PRKCB: variants seen among roughly 807,000 people sequenced by gnomAD.
PRKCB encodes protein kinase C beta type.
PRKCB carries 13 observed loss-of-function variants against 81.5 expected under a neutral mutation model. The observed-to-expected ratio is 0.16, with a 90% CI of 0.10 to 0.25. PRKCB has a LOEUF of 0.25. Among genes scored for constraint, PRKCB ranks in the 10% least tolerant of loss-of-function variants. The pLI, the probability that PRKCB is intolerant of heterozygous loss-of-function variation, is 1.00. For missense variants in PRKCB, 509 were observed against 875.7 expected (o/e 0.58, Z 5.29); for synonymous variants, 335 against 321.4 (o/e 1.04, Z -0.45).
chr16:24,210,600 G>A (rs1275800285), intron 16 of PRKCB, among the ~76,000 whole-genome samples: 1 of 151,632 alleles, frequency 6.6e-6, no homozygotes, highest in African/African-American at 2.4e-5. Flanking sequence ...CTGGGCTCAA[G>A]TGATCCCCCC....
chr16:24,043,635 G>C (rs1965730051), intron 5 of PRKCB, among the ~76,000 whole-genome samples: 1 of 152,180 alleles, frequency 6.6e-6, no homozygotes, highest in Non-Finnish European at 1.5e-5. Flanking sequence ...GACCTAAGGA[G>C]ATGTAGGGAA....
intron 9 of PRKCB, among the ~76,000 whole-genome samples, chr16:24,150,339 A>G (rs1322781273): frequency 6.6e-6 from 1 of 152,040 alleles, no homozygotes; most frequent in Non-Finnish European, 1.5e-5. Context: ...AAAAACAGAA[A>G]ACAAAACAAA....
intron 2 of PRKCB, among the ~76,000 whole-genome samples, chr16:23,886,505 T>C (rs184414956): frequency 6.9e-6 from 1 of 143,928 alleles, no homozygotes; most frequent in Non-Finnish European, 1.5e-5. Context: ...CTCCGCCTCC[T>C]GGGTTCAACC....
At chr16:24,128,323 C>A (rs889382966) in intron 9 of PRKCB, among the ~76,000 whole-genome samples, 5 of 152,080 alleles carry the variant, frequency 3.3e-5, no homozygotes, top group Non-Finnish European at 7.4e-5. Context: ...TGCAGTGAGC[C>A]GAGATCGTGC....
At chr16:24,006,412 A>C (rs1175809532) in intron 3 of PRKCB, among the ~76,000 whole-genome samples, 2 of 152,194 alleles carry the variant, frequency 1.3e-5, no homozygotes, top group African/African-American at 4.8e-5. Flanking sequence ...GTTGCTACAT[A>C]ATAATATTAG....
chr16:24,115,883 G>A (rs1462856902), intron 8 of PRKCB, among the ~76,000 whole-genome samples: 5 of 151,964 alleles, frequency 3.3e-5, no homozygotes, highest in African/African-American at 7.2e-5. Context: ...CCACCACCAC[G>A]CCTGCCTAAT....
chr16:24,127,198 G>T (rs2141931841), intron 9 of PRKCB, among the ~76,000 whole-genome samples: 1 of 151,356 alleles, frequency 6.6e-6, no homozygotes, highest in African/African-American at 2.4e-5. Flanking sequence ...TAGAGACGGG[G>T]TTTCTCCATG....
chr16:24,185,330 T>C (rs757645019), intron 14 of PRKCB, 130 bp from the exon 15 acceptor site: 4 of 1,189,482 alleles, frequency 3.4e-6, no homozygotes, highest in Non-Finnish European at 4.8e-6. Context: ...CATACAAGTC[T>C]GTGGTCATTT....
chr16:23,887,263 C>T (rs960614629), intron 2 of PRKCB, among the ~76,000 whole-genome samples: 6 of 152,116 alleles, frequency 3.9e-5, no homozygotes, highest in Middle Eastern at 3.2e-3. Flanking sequence ...GGGTATATTG[C>T]GTGATGCTGA....
At chr16:23,935,653 G>C (rs1222021294) in intron 2 of PRKCB, among the ~76,000 whole-genome samples, 4 of 152,110 alleles carry the variant, frequency 2.6e-5, no homozygotes, top group Admixed American at 6.5e-5. Context: ...CAAAGATATG[G>C]AATCAACCCA....
At chr16:23,841,264 G>A (rs62030640) in intron 2 of PRKCB, among the ~76,000 whole-genome samples, 15,022 of 151,868 alleles carry the variant, frequency 0.099, 1,760 homozygotes, top group African/African-American at 0.28. Context: ...ATTTTTAGTA[G>A]AGATGGGGTT....
chr16:24,015,911 G>A (rs1353617923), intron 3 of PRKCB, among the ~76,000 whole-genome samples: 1 of 152,108 alleles, frequency 6.6e-6, no homozygotes, highest in Non-Finnish European at 1.5e-5. Context: ...ATATATATAA[G>A]GTTTATTGGG....
intron 16 of PRKCB, among the ~76,000 whole-genome samples, chr16:24,198,209 A>G (rs1186543378): frequency 4.6e-5 from 7 of 152,252 alleles, no homozygotes; most frequent in African/African-American, 1.4e-4. Context: ...ATGTCACAGG[A>G]CAAGATATGC....
chr16:24,002,303 GTGTGTGTGTA>G (rs1252729231), intron 3 of PRKCB, among the ~76,000 whole-genome samples: 1 of 144,146 alleles, frequency 6.9e-6, no homozygotes, highest in Non-Finnish European at 1.5e-5. Context: ...GCACAGGTGT[GTGTGTGTGTA>G]TGTGTGTGTG....
At chr16:23,958,400 G>A (rs1057125529) in intron 2 of PRKCB, among the ~76,000 whole-genome samples, 1 of 151,998 alleles carries the variant, frequency 6.6e-6, no homozygotes, top group Non-Finnish European at 1.5e-5. Flanking sequence ...TGCCTCCTGG[G>A]TTCAAGCGAT....
chr16:23,981,878 TTCCCCTTCCCCTCCCC>T (rs1964722663), intron 2 of PRKCB, among the ~76,000 whole-genome samples: 1 of 8,050 alleles, frequency 1.2e-4, no homozygotes, highest in African/African-American at 5.5e-4. Flanking sequence ...TCCCCTTCCC[TTCCCCTTCCCCTCCCC>T]TTCCCCTTCC....
At chr16:24,146,967 C>T (rs1966999078) in intron 9 of PRKCB, among the ~76,000 whole-genome samples, 1 of 152,126 alleles carries the variant, frequency 6.6e-6, no homozygotes, top group Non-Finnish European at 1.5e-5. Context: ...GCATCACCAG[C>T]CAGGGCAATG....
At chr16:24,006,098 C>T (rs936869567) in intron 3 of PRKCB, among the ~76,000 whole-genome samples, 1 of 152,168 alleles carries the variant, frequency 6.6e-6, no homozygotes, top group South Asian at 2.1e-4. Flanking sequence ...TCTCACTTAT[C>T]TATTATCTCC....
intron 5 of PRKCB, among the ~76,000 whole-genome samples, chr16:24,083,695 A>G (rs12929284): frequency 0.058 from 8,846 of 152,216 alleles, 770 homozygotes; most frequent in African/African-American, 0.19. Context: ...GGATGTGACT[A>G]TAGAGGAGAA....
Sources: gnomAD v4.1 joint callset for allele counts (sites outside exome capture counted in the v4.1 genomes callset) on GRCh38, gnomAD v4.1.1 for gene constraint, MANE v1.5 for transcripts, NCBI Gene and HGNC (gene_info 2026-07-23, HGNC 2026-07-21) for gene names.